The following DPY19L2 variants were observed in gnomAD, a reference collection of about 807,000 sequenced individuals.
The protein encoded by DPY19L2 is dpy-19 like 2, also known as probable C-mannosyltransferase DPY19L2.
Under a neutral mutation model 97.9 loss-of-function variants are expected in DPY19L2, and 34 were observed. The ratio of observed to expected loss-of-function variants is 0.35; its 90% CI spans 0.26 to 0.46. DPY19L2 has a LOEUF of 0.46. Ranked by LOEUF, DPY19L2 falls within the 20% of genes least tolerant of loss-of-function variation. DPY19L2 has a pLI of 1.00. For missense variants in DPY19L2, 623 were observed against 911.4 expected (o/e 0.68, Z 4.07); for synonymous variants, 230 against 307.9 (o/e 0.75, Z 2.65).
At chr12:63,569,671 T>G (rs1878436106) in intron 20 of DPY19L2, among the ~76,000 whole-genome samples, 1 of 152,186 alleles carries the variant, frequency 6.6e-6, no homozygotes, top group African/African-American at 2.4e-5. Flanking sequence ...GAGAATATAT[T>G]CTGACAGAGA....
chr12:63,574,645 A>G (rs1879485061), intron 19 of DPY19L2, among the ~76,000 whole-genome samples: 1 of 152,044 alleles, frequency 6.6e-6, no homozygotes, highest in Non-Finnish European at 1.5e-5. Context: ...ACCATAAAAG[A>G]GCAGGAATAG....
rs375391750 is a variant in DPY19L2 at position 63,570,797 on chromosome 12, G to C, written c.1961C>G (p.Pro654Arg). The C allele has an allele frequency of 1.1e-5, 17 of 1,612,412 alleles. No individual in the cohort carries two copies. In the African/African-American group the frequency reaches 2.0e-4, roughly 19 times the overall value. ...MASIKLSTLH[P>R]IVNHPHYEDA... ...TTCGTAATGTGGATGATTCACAATG[G>C]GATGAAGTGTAGACAGCTTGATGCT... The change falls in exon 20 of 22, where the codon CCC (proline) becomes CGC (arginine). Residue 654 changes from proline to arginine, a missense_variant. This residue lies in a region of DPY19L2 where 294 missense variants were observed against 446.2 expected (regional missense o/e 0.66). Coordinates refer to ENST00000324472, the MANE Select transcript of DPY19L2 (RefSeq NM_173812.5).
intron 16 of DPY19L2, chr12:63,584,258 C>T (rs1318317119): frequency 6.5e-6 from 1 of 153,650 alleles, no homozygotes; most frequent in Non-Finnish European, 1.4e-5. Flanking sequence ...ACTTTGTAAG[C>T]ATCTCTGAAT....
chr12:63,633,943 C>G (rs1891172787), intron 6 of DPY19L2, among the ~76,000 whole-genome samples: 1 of 152,076 alleles, frequency 6.6e-6, no homozygotes, highest in Admixed American at 6.6e-5. Flanking sequence ...AACCATCATT[C>G]TCAGCAAACT....
intron 19 of DPY19L2, among the ~76,000 whole-genome samples, chr12:63,577,860 C>T (rs1880139790): frequency 6.6e-6 from 1 of 152,084 alleles, no homozygotes; most frequent in Admixed American, 6.6e-5. Context: ...TAAATTAGCA[C>T]AACCACTATG....
At chr12:63,608,493 T>A in intron 12 of DPY19L2, 123 bp downstream of exon 12, 1 of 925,396 alleles carries the variant, frequency 1.1e-6, no homozygotes, top group Non-Finnish European at 1.6e-6. Context: ...AGTAACTATT[T>A]TTAAGACAGT....
At position 63,596,028 on chromosome 12, in the gene DPY19L2, T is replaced by G. The variant is rs373778933; in HGVS notation, c.1471A>C (p.Arg491=). The part of the protein sequence containing the change: ...FDFMEKATPL[R]YTKTLLLPVV... ...GGAAGCAATAATGTCTTTGTGTATC[T>G]CAGCGGAGTCTGAAATATACCAAAT... The change falls in exon 15 of 22, where the codon AGA becomes CGA. Residue 491 remains arginine, a synonymous_variant. Transcript: ENST00000324472. The G allele has an allele frequency of 5.6e-6, 9 of 1,599,948 alleles. No individual in the cohort carries two copies. The highest frequency in any genetic ancestry group is 6.0e-6 in the Non-Finnish European group (7 of 1,173,670).
chr12:63,648,427 T>G (rs796544559), intron 4 of DPY19L2, among the ~76,000 whole-genome samples: 29 of 150,014 alleles, frequency 1.9e-4, no homozygotes, highest in African/African-American at 6.9e-4. Context: ...CCACCTTCCC[T>G]GGGCTTTTTT....
chr12:63,633,379 C>T (rs902033180), intron 6 of DPY19L2, among the ~76,000 whole-genome samples: 43 of 152,084 alleles, frequency 2.8e-4, no homozygotes, highest in African/African-American at 1.0e-3. Context: ...AAAAAACAAA[C>T]AACCCCATCA....
chr12:63,653,167 C>G (rs1894498873), intron 4 of DPY19L2, among the ~76,000 whole-genome samples: 1 of 151,908 alleles, frequency 6.6e-6, no homozygotes, highest in African/African-American at 2.4e-5. Context: ...ACAAAACAGC[C>G]CTAGGGACCT....
At chr12:63,655,077 A>G (rs1894788392) in intron 4 of DPY19L2, among the ~76,000 whole-genome samples, 1 of 152,140 alleles carries the variant, frequency 6.6e-6, no homozygotes, top group Admixed American at 6.5e-5. Context: ...CAAGCCATAT[A>G]TATGAAAAAT....
chr12:63,591,586 A>G (rs758371014), intron 16 of DPY19L2, among the ~76,000 whole-genome samples: 65 of 152,224 alleles, frequency 4.3e-4, no homozygotes, highest in Non-Finnish European at 7.8e-4. Flanking sequence ...GATACGATAC[A>G]TTTTGCTGGC....
chr12:63,664,634 A>G (rs1455583037), intron 2 of DPY19L2, among the ~76,000 whole-genome samples: 2 of 152,180 alleles, frequency 1.3e-5, no homozygotes, highest in Non-Finnish European at 2.9e-5. Flanking sequence ...TGTGTACTTG[A>G]AGACCTTTTA....
At chr12:63,665,033 TATAAACACTTTTGTAAAATA>T (rs144333917) in intron 2 of DPY19L2, among the ~76,000 whole-genome samples, 7,739 of 152,110 alleles carry the variant, frequency 0.051, 612 homozygotes, top group African/African-American at 0.18. Flanking sequence ...TACAAATTTT[TATAAACACTTTTGTAAAATA>T]ATGTACACAG....
At chr12:63,567,038 A>T (rs1412584620) in intron 21 of DPY19L2, among the ~76,000 whole-genome samples, 1 of 152,112 alleles carries the variant, frequency 6.6e-6, no homozygotes, top group Non-Finnish European at 1.5e-5. Flanking sequence ...TTCTTGACAT[A>T]TAACGATAAA....
At chr12:63,607,470 T>C (rs1009514643) in intron 12 of DPY19L2, among the ~76,000 whole-genome samples, 12 of 152,152 alleles carry the variant, frequency 7.9e-5, no homozygotes, top group African/African-American at 2.9e-4. Context: ...AAAAGCATCA[T>C]GCCATTCATT....
rs1592766873 is a variant in DPY19L2, at chr12:63,661,144, C to T, written c.588+200G>A. ...CATTATTTACACACTAAGGTTCATT[C>T]TTCGAGTTCATGAGAGAACAGTTTC... On this transcript the variant is annotated intron_variant, in intron 4 of 21. Transcript: ENST00000324472. 3 of 398,314 alleles carry T rather than the reference C, an allele frequency of 7.5e-6. No homozygotes were observed. In the East Asian group the frequency reaches 1.4e-4, roughly 19 times the overall value. 24.7% of individuals were successfully genotyped at this position (398,314 alleles called of 1,614,324 possible). A position where few individuals can be genotyped will look rare whatever the true frequency, so the allele number is the denominator to read the frequency against.
rs532151524 is a variant in DPY19L2 at position 63,639,027 on chromosome 12, C to T, written c.803+5376G>A. 1.0e-3 allele frequency among the ~76,000 whole-genome samples: 153 copies of T among 152,184 alleles called. 1 individual carries two copies. The highest frequency in any genetic ancestry group is 3.6e-3 in the African/African-American group (150 of 41,522). ...TGAGATATAGATCAATGGAACAGAACAGAGCCCTCAGAAATAATGCTGCAT... is the reference window on the plus strand; with the variant it reads ...TGAGATATAGATCAATGGAACAGAATAGAGCCCTCAGAAATAATGCTGCAT... On this transcript the variant is annotated intron_variant, in intron 6 of 21. Transcript: ENST00000324472.
chr12:63,590,438 A>G (rs557018938), intron 16 of DPY19L2, among the ~76,000 whole-genome samples: 6 of 152,300 alleles, frequency 3.9e-5, no homozygotes, highest in African/African-American at 1.4e-4. Context: ...GTGTACCAAG[A>G]TACACGAACC....
Sources: gnomAD v4.1 joint callset for allele counts (sites outside exome capture counted in the v4.1 genomes callset) on GRCh38, gnomAD v4.1.1 for gene constraint, gnomAD v4.1.1 regional missense constraint, MANE v1.5 for transcripts, NCBI Gene and HGNC (gene_info 2026-07-23, HGNC 2026-07-21) for gene names.